Variants in ABI1 observed in about 807,000 individuals in gnomAD.
The protein encoded by ABI1 is abl interactor 1.
In ABI1, 14 loss-of-function variants were observed where a neutral mutation model predicts 54.6. The observed-to-expected ratio is 0.26, with a 90% CI of 0.17 to 0.40. The LOEUF is 0.40. Ranked by LOEUF, ABI1 falls within the 10% of genes least tolerant of loss-of-function variation. ABI1 has a pLI of 1.00. For synonymous variants in ABI1, 194 were observed against 209.3 expected (o/e 0.93, Z 0.63); for missense variants, 443 against 598.3 (o/e 0.74, Z 2.71).
In ABI1 at chr10:26,811,933, G is replaced by C. The variant is rs374421339; in HGVS notation, c.285+11205C>G. Reference sequence around the variant, plus strand: ...CAAAATCTTACAGGATCAAATCCAAGAGTGAGCAGGGACAGGCTCCCTGAG... The same window carrying C: ...CAAAATCTTACAGGATCAAATCCAACAGTGAGCAGGGACAGGCTCCCTGAG... On this transcript the variant is annotated intron_variant, in intron 2 of 10. Coordinates refer to ENST00000376140, the MANE Select transcript of ABI1 (RefSeq NM_001012750.3). Among the ~76,000 whole-genome samples the C allele has an allele frequency of 1.5e-4, 23 of 152,290 alleles. 1 individual carries two copies. The East Asian group carries it at 2.3e-3, about 15-fold the overall frequency.
At chr10:26,757,015 G>T (rs1194199463) in intron 8 of ABI1, among the ~76,000 whole-genome samples, 1 of 151,918 alleles carries the variant, frequency 6.6e-6, no homozygotes, top group Non-Finnish European at 1.5e-5. Flanking sequence ...TAAATAAAAG[G>T]TTAGAGGTTT....
At chr10:26,786,623 A>T (rs899115777) in intron 2 of ABI1, among the ~76,000 whole-genome samples, 2 of 152,124 alleles carry the variant, frequency 1.3e-5, no homozygotes, top group Admixed American at 6.5e-5. Context: ...GGAATCCCTA[A>T]CTCCATAGAA....
intron 1 of ABI1, among the ~76,000 whole-genome samples, chr10:26,826,380 T>C (rs2048306693): frequency 6.6e-6 from 1 of 152,220 alleles, no homozygotes; most frequent in South Asian, 2.1e-4. Flanking sequence ...TAAACCATGC[T>C]GTAAACAGAT....
intron 1 of ABI1, among the ~76,000 whole-genome samples, chr10:26,825,251 G>A (rs2048236067): frequency 6.6e-6 from 1 of 152,208 alleles, no homozygotes; most frequent in Non-Finnish European, 1.5e-5. Flanking sequence ...GCCTGGGTGT[G>A]GTGGCGGCTT....
chr10:26,746,863 C>T lies in ABI1; in HGVS notation c.*1707G>A, dbSNP rs1409784348. 1 of 337,114 alleles carries T rather than the reference C, an allele frequency of 3.0e-6. No homozygotes were observed. Among genetic ancestry groups the T allele is most frequent in the African/African-American group, 2.1e-5 (1 of 47,578 alleles). The allele number at this position is 337,114 out of a possible 1,614,324, so 20.9% of individuals were successfully genotyped here. ...AATGTGAAGTCTGCATTGAAGTCCA[C>T]ATGAGTTATATTTTAACAGTATCCA... On this transcript the variant is annotated 3_prime_UTR_variant, in exon 11 of 11. Transcript: ENST00000376140.
At chr10:26,843,503 T>C (rs1485748874) in intron 1 of ABI1, among the ~76,000 whole-genome samples, 1 of 119,656 alleles carries the variant, frequency 8.4e-6, no homozygotes, top group African/African-American at 2.9e-5. Context: ...TATATATATA[T>C]ATATATATAT....
intron 2 of ABI1, among the ~76,000 whole-genome samples, chr10:26,802,359 T>A (rs2046616377): frequency 6.6e-6 from 1 of 152,188 alleles, no homozygotes; most frequent in Non-Finnish European, 1.5e-5. Context: ...ATATATAATA[T>A]AAACTAAAAC....
At chr10:26,761,744 G>A (rs1839257945) in intron 7 of ABI1, among the ~76,000 whole-genome samples, 1 of 146,746 alleles carries the variant, frequency 6.8e-6, no homozygotes, top group Non-Finnish European at 1.5e-5. Context: ...GAATCAATCT[G>A]TACATATTGT....
intron 1 of ABI1, among the ~76,000 whole-genome samples, chr10:26,844,959 G>A (rs551523661): frequency 1.6e-4 from 24 of 152,056 alleles, no homozygotes; most frequent in Admixed American, 4.6e-4. Flanking sequence ...AATCCATCCC[G>A]TACCAATGTA....
rs12571187 is a variant in ABI1, at chr10:26,779,793, G to A, written c.286-2552C>T. On this transcript the variant is annotated intron_variant, in intron 2 of 10. Coordinates refer to ENST00000376140, the MANE Select transcript of ABI1 (RefSeq NM_001012750.3). The stretch of plus-strand genomic sequence containing the variant: ...CTCAGCATTTTCTGGTGGTATAACC[G>A]TCCACTACAAGAAACCTTTGAAACT... 1.2e-4 allele frequency among the ~76,000 whole-genome samples: 19 copies of A among 152,162 alleles called. No individual in the cohort carries two copies. In the East Asian group the frequency reaches 2.5e-3, roughly 20 times the overall value.
chr10:26,859,766 T>C (rs1235494407), intron 1 of ABI1, among the ~76,000 whole-genome samples: 1 of 152,236 alleles, frequency 6.6e-6, no homozygotes, highest in Non-Finnish European at 1.5e-5. Flanking sequence ...ACTATACATT[T>C]ACTTAGCTTG....
intron 1 of ABI1, among the ~76,000 whole-genome samples, chr10:26,859,296 T>C (rs1465943101): frequency 6.6e-6 from 1 of 151,822 alleles, no homozygotes. Flanking sequence ...AGATACAATG[T>C]TACTAACATG....
Position 26,802,761 on chromosome 10 carries a change from G to C in ABI1, c.285+20377C>G, listed in dbSNP as rs376808521. ...AGACCACCTGGAGGAGGCAGTACCT[G>C]TGTCCGGACACTGCCAACCCAAGGT... is the stretch of plus-strand genomic sequence containing the variant. On this transcript the variant is annotated intron_variant, in intron 2 of 10. Transcript: ENST00000376140. 2.0e-5 allele frequency among the ~76,000 whole-genome samples: 3 copies of C among 152,302 alleles called. No homozygotes were observed. The East Asian group carries it at 5.8e-4, about 29-fold the overall frequency.
At chr10:26,837,583 T>TA (rs2049173117) in intron 1 of ABI1, among the ~76,000 whole-genome samples, 1 of 152,184 alleles carries the variant, frequency 6.6e-6, no homozygotes, top group Non-Finnish European at 1.5e-5. Context: ...TGTTAACAGT[T>TA]ACATATAATT....
At chr10:26,792,306 T>C (rs1843577539) in intron 2 of ABI1, among the ~76,000 whole-genome samples, 1 of 152,154 alleles carries the variant, frequency 6.6e-6, no homozygotes, top group South Asian at 2.1e-4. Flanking sequence ...ACAAATAGCA[T>C]ACAGAAAAGA....
At chr10:26,755,795 GAAAC>G (rs1838230288) in intron 8 of ABI1, 54 bp from the exon 9 acceptor site, 1 of 1,300,834 alleles carries the variant, frequency 7.7e-7, no homozygotes, top group South Asian at 1.3e-5. Flanking sequence ...GAAAGAAAAG[GAAAC>G]AAACAAAAAG....
intron 1 of ABI1, among the ~76,000 whole-genome samples, chr10:26,842,333 T>A (rs897352922): frequency 6.6e-6 from 1 of 152,264 alleles, no homozygotes; most frequent in Non-Finnish European, 1.5e-5. Context: ...ATTAATCCCT[T>A]ATCAGATAAA....
intron 2 of ABI1, among the ~76,000 whole-genome samples, chr10:26,789,521 C>T (rs895134724): frequency 1.6e-4 from 25 of 152,056 alleles, no homozygotes; most frequent in African/African-American, 5.6e-4. Context: ...TGTTTAATCC[C>T]CTTTTCAGTT....
In ABI1 at chr10:26,789,473, C is replaced by T. The variant is rs143248514; in HGVS notation, c.286-12232G>A. ...GACGTATAACAAATGATGGTGTTTCCGTTTCCTGACTAAACATCAAATGAC... is the reference window on the plus strand; with the variant it reads ...GACGTATAACAAATGATGGTGTTTCTGTTTCCTGACTAAACATCAAATGAC... On this transcript the variant is annotated intron_variant, in intron 2 of 10. Transcript: ENST00000376140. 3.6e-3 allele frequency among the ~76,000 whole-genome samples: 547 copies of T among 152,200 alleles called. 5 individuals carry two copies. The highest frequency in any genetic ancestry group is 0.029 in the East Asian group (153 of 5,188).
Sources: gnomAD v4.1 joint callset for allele counts (sites outside exome capture counted in the v4.1 genomes callset) on GRCh38, gnomAD v4.1.1 for gene constraint, MANE v1.5 for transcripts, NCBI Gene and HGNC (gene_info 2026-07-23, HGNC 2026-07-21) for gene names.